The following OCM variants were observed in gnomAD, a reference collection of about 807,000 sequenced individuals.
The protein encoded by OCM is oncomodulin.
In OCM, 18 loss-of-function variants were observed where a neutral mutation model predicts 14.1. The ratio of observed to expected loss-of-function variants is 1.28; its 90% CI spans 0.88 to 1.89. The LOEUF (loss-of-function observed/expected upper bound fraction) is 1.89, where lower values mean the gene tolerates loss of function less well. Among genes scored for constraint, OCM ranks in the 40% most tolerant of loss-of-function variants. OCM has a pLI of 0.00. For missense variants in OCM, 140 were observed against 137.6 expected (o/e 1.02, Z -0.09); for synonymous variants, 48 against 51.0 (o/e 0.94, Z 0.25).
At chr7:5,882,413 T>C in intron 1 of OCM, 80 bp from the exon 2 acceptor site, 2 of 1,501,060 alleles carry the variant, frequency 1.3e-6, no homozygotes, top group Non-Finnish European at 1.8e-6. Flanking sequence ...TGTTTTTAAT[T>C]ATCTGTGTTT....
intron 2 of OCM, 138 bp downstream of exon 2, chr7:5,882,763 G>A (rs1248911220): frequency 2.0e-6 from 2 of 1,014,990 alleles, no homozygotes; most frequent in Non-Finnish European, 2.9e-6. Context: ...TAAAGCAAAG[G>A]ACATGAGTCA....
At chr7:5,885,796 A>G (rs962789346) in intron 3 of OCM, among the ~76,000 whole-genome samples, 5 of 152,058 alleles carry the variant, frequency 3.3e-5, no homozygotes, top group Non-Finnish European at 5.9e-5. Context: ...TTTTTAGTAG[A>G]GACAGGGTTT....
At chr7:5,860,866 A>G in the OCM span, among the ~76,000 whole-genome samples, 5 of 149,976 alleles carry the variant, frequency 3.3e-5, no homozygotes, top group South Asian at 1.0e-3. Flanking sequence ...ATATACATAT[A>G]TATATTTATT....
chr7:5,877,875 G>A (rs978220528), upstream of OCM, among the ~76,000 whole-genome samples: 1 of 145,710 alleles, frequency 6.9e-6, no homozygotes, highest in African/African-American at 2.5e-5. Flanking sequence ...CAACATGGAT[G>A]AAACTTGAGG....
chr7:5,880,565 C>T (rs956442554), upstream of OCM, among the ~76,000 whole-genome samples: 2 of 152,074 alleles, frequency 1.3e-5, no homozygotes, highest in African/African-American at 4.8e-5. Flanking sequence ...TCAAGACCAG[C>T]CTGGCCAACA....
intron 2 of OCM, among the ~76,000 whole-genome samples, 154 bp downstream of exon 2, chr7:5,882,779 C>T (rs1781247256): frequency 6.6e-6 from 1 of 151,814 alleles, no homozygotes; most frequent in South Asian, 2.1e-4. Flanking sequence ...AGTCAGTTGA[C>T]CGCACATCTA....
chr7:5,878,892 A>AAAAAAAAAAAAAAAAC, upstream of OCM, among the ~76,000 whole-genome samples: 1 of 149,780 alleles, frequency 6.7e-6, no homozygotes, highest in Non-Finnish European at 1.5e-5. Flanking sequence ...AAAAAAAAAA[A>AAAAAAAAAAAAAAAAC]AAAAAAAGCC....
chr7:5,882,644 C>T lies in OCM; in HGVS notation c.194+19C>T. 6.2e-7 allele frequency: 1 copy of T among 1,613,648 alleles called. No individual in the cohort carries two copies. The highest frequency in any genetic ancestry group is 1.3e-5 in the African/African-American group (1 of 75,010). On this transcript the variant is annotated intron_variant, in intron 2 of 3. Transcript: ENST00000242104. Reference sequence around the variant, plus strand: ...AGCTTAAGTAAGCTTTGTCCTGAGTCTGTCTGGTACCCGGCACTGCTGAGT... The same window carrying T: ...AGCTTAAGTAAGCTTTGTCCTGAGTTTGTCTGGTACCCGGCACTGCTGAGT...
At chr7:5,873,897 C>T in the OCM span, among the ~76,000 whole-genome samples, 20 of 151,806 alleles carry the variant, frequency 1.3e-4, no homozygotes, top group African/African-American at 4.8e-4. Flanking sequence ...GAGGATCTCC[C>T]ATACATTCAA....
At chr7:5,879,394 T>C (rs1478849978), upstream of OCM, among the ~76,000 whole-genome samples, 1 of 152,162 alleles carries the variant, frequency 6.6e-6, no homozygotes, top group East Asian at 1.9e-4. Context: ...CACTTAGCCC[T>C]GTCTCCTGTG....
chr7:5,882,833 A>G (rs1033720731), intron 2 of OCM, among the ~76,000 whole-genome samples: 2 of 137,008 alleles, frequency 1.5e-5, no homozygotes, highest in African/African-American at 5.5e-5. Context: ...CTGCAGGTGC[A>G]AAGATTCTTT....
At chr7:5,868,815 C>T in the OCM span, among the ~76,000 whole-genome samples, 2 of 152,100 alleles carry the variant, frequency 1.3e-5, no homozygotes, top group Admixed American at 6.6e-5. Flanking sequence ...ATAATCCCAG[C>T]ACTTTGGGAG....
upstream of OCM, among the ~76,000 whole-genome samples, chr7:5,878,769 G>T (rs1781148259): frequency 6.7e-6 from 1 of 149,548 alleles, no homozygotes; most frequent in South Asian, 2.1e-4. Flanking sequence ...AAAAAAAATG[G>T]TTAAGATTAT....
chr7:5,871,985 C>G, the OCM span: 3 of 152,382 alleles, frequency 2.0e-5, no homozygotes, highest in African/African-American at 4.8e-5. Flanking sequence ...CTCCCGGGTT[C>G]AAGCAATCCT....
the OCM span, among the ~76,000 whole-genome samples, chr7:5,869,604 T>C: frequency 6.6e-6 from 1 of 151,712 alleles, no homozygotes; most frequent in Non-Finnish European, 1.5e-5. Flanking sequence ...AAAAAGAAAA[T>C]TTAAAAATTT....
the OCM span, among the ~76,000 whole-genome samples, chr7:5,865,890 A>G: frequency 6.6e-6 from 1 of 152,160 alleles, no homozygotes; most frequent in African/African-American, 2.4e-5. Flanking sequence ...ACACATCTAG[A>G]TGTAGGTCAA....
the OCM span, among the ~76,000 whole-genome samples, chr7:5,862,945 T>A: frequency 6.6e-6 from 1 of 151,742 alleles, no homozygotes; most frequent in African/African-American, 2.4e-5. Flanking sequence ...GGGCTTGAGA[T>A]GAATGCAACA....
upstream of OCM, among the ~76,000 whole-genome samples, chr7:5,876,022 C>T (rs574237859): frequency 2.0e-3 from 307 of 151,340 alleles, 3 homozygotes; most frequent in African/African-American, 7.0e-3. Flanking sequence ...TTTTTTTTTC[C>T]GAGACAGAGT....
chr7:5,881,070 G>C (rs1781205822), intron 1 of OCM, 120 bp downstream of exon 1: 2 of 988,836 alleles, frequency 2.0e-6, no homozygotes, highest in East Asian at 5.0e-5. Flanking sequence ...TGTAATCCCA[G>C]CACTTTGGGA....
Sources: gnomAD v4.1 joint callset for allele counts (sites outside exome capture counted in the v4.1 genomes callset) on GRCh38, gnomAD v4.1.1 for gene constraint, MANE v1.5 for transcripts, NCBI Gene and HGNC (gene_info 2026-07-23, HGNC 2026-07-21) for gene names.